PRPS1L1: variants seen among roughly 807,000 people sequenced by gnomAD.
PRPS1L1 encodes ribose-phosphate pyrophosphokinase 3.
A neutral mutation model predicts 16.4 loss-of-function variants in PRPS1L1; 12 were observed. That is an observed-to-expected ratio of 0.73 (90% CI 0.47 to 1.19). The LOEUF (loss-of-function observed/expected upper bound fraction) is 1.19, where lower values mean the gene tolerates loss of function less well. PRPS1L1 is among the 50% of genes most tolerant of loss of function. PRPS1L1 has a pLI of 0.00. For synonymous variants in PRPS1L1, 153 were observed against 142.5 expected (o/e 1.07, Z -0.53); for missense variants, 408 against 395.8 (o/e 1.03, Z -0.26).
rs114702691 is a variant in PRPS1L1, at chr7:18,027,070, G to T, written c.713C>A (p.Ser238Ter). ...AGCATAAACTCTGGTTGCTCCAGCT[G>T]AGAGAAGTTTGTCAGCTGCGAGGCA... Residue 238 changes from serine to a stop codon, truncating the protein, a stop_gained, in exon 1 of 1, where the codon TCA becomes TAA. Transcript: ENST00000506618. LOFTEE classifies it high-confidence loss of function. 4.3e-6 allele frequency: 7 copies of T among 1,614,246 alleles called. No homozygotes were observed. Among genetic ancestry groups the T allele is most frequent in the Non-Finnish European group, 5.9e-6 (7 of 1,180,048 alleles).
chr7:18,026,898 G>A lies in PRPS1L1; in HGVS notation c.885C>T (p.Ile295=), dbSNP rs867343944. The A allele has an allele frequency of 4.3e-6, 7 of 1,613,900 alleles. No individual in the cohort carries two copies. The South Asian group carries it at 7.7e-5, about 18-fold the overall frequency. Residue 295 remains isoleucine, a synonymous_variant, in exon 1 of 1, where the codon ATC becomes ATT. Coordinates refer to ENST00000506618, the MANE Select transcript of PRPS1L1 (RefSeq NM_175886.3). ...GAGTTCTCCTTATGGCTTCTGCAAGGATCATGGAGATGTCAATTACTCGTA... is the reference window on the plus strand; with the variant it reads ...GAGTTCTCCTTATGGCTTCTGCAAGAATCATGGAGATGTCAATTACTCGTA...
rs181213151 is a variant in PRPS1L1, at chr7:18,026,869, T to C, written c.914A>G (p.Asn305Ser). 1 of 1,612,536 alleles carries C rather than the reference T, an allele frequency of 6.2e-7. No homozygotes were observed. ...GAACAGGTAGGAAACAGATTCCCCA[T>C]TATGAGTTCTCCTTATGGCTTCTGC... The change falls in exon 1 of 1, where the codon AAT (asparagine) becomes AGT (serine). Residue 305 changes from asparagine to serine, a missense_variant. Transcript: ENST00000506618.
At position 18,027,553 on chromosome 7, in the gene PRPS1L1, C is replaced by G. The variant is rs760719249; in HGVS notation, c.230G>C (p.Cys77Ser). Residue 77 changes from cysteine to serine, a missense_variant, in exon 1 of 1, where the codon TGC becomes TCC. Physicochemically the swap from Cys to Ser is moderately radical, Grantham distance 112. Transcript: ENST00000506618. ...AACTCGGCTAGCTGAAGCAATCTTG[C>G]AGGCATTAATCATGATCAAAAGCTC... 3 of 1,614,128 alleles carry G rather than the reference C, an allele frequency of 1.9e-6. No homozygotes were observed. In the South Asian group the frequency reaches 3.3e-5, roughly 18 times the overall value.
Position 18,027,096 on chromosome 7 carries a change from G to C in PRPS1L1, c.687C>G (p.Ile229Met). The change falls in exon 1 of 1, where the codon ATC becomes ATG. Residue 229 changes from isoleucine (I) to methionine (M), a missense_variant. By Grantham distance (10) the Ile-to-Met change is conservative. Transcript: ENST00000506618. ...AGAGAAGTTTGTCAGCTGCGAGGCAGATTGTAACACAAGTGTCTGCCATGT... is the reference window on the plus strand; with the variant it reads ...AGAGAAGTTTGTCAGCTGCGAGGCACATTGTAACACAAGTGTCTGCCATGT... 1 of 1,614,244 alleles carries C rather than the reference G, an allele frequency of 6.2e-7. No individual in the cohort carries two copies. The highest frequency in any genetic ancestry group is 8.5e-7 in the Non-Finnish European group (1 of 1,180,052).
rs1293153845 is a variant in PRPS1L1 at position 18,027,336 on chromosome 7, T to G, written c.447A>C (p.Pro149=). The change falls in exon 1 of 1, where the codon CCA becomes CCC. Residue 149 remains proline (P), a synonymous_variant. Coordinates refer to ENST00000506618, the MANE Select transcript of PRPS1L1 (RefSeq NM_175886.3). ...TCTCCCTTATCCACTTCAGGACAGT[T>G]GGCTCTGCATACAAGTTGTCTACTG... 1 of 1,613,960 alleles carries G rather than the reference T, an allele frequency of 6.2e-7. No homozygotes were observed. The highest frequency in any genetic ancestry group is 8.5e-7 in the Non-Finnish European group (1 of 1,179,912).
chr7:18,027,653 T>C lies in PRPS1L1; in HGVS notation c.130A>G (p.Ile44Val), dbSNP rs1221921795. 1.2e-6 allele frequency: 2 copies of C among 1,614,068 alleles called. No homozygotes were observed. The highest frequency in any genetic ancestry group is 1.7e-5 in the Admixed American group (1 of 60,010). ...TCCTCTCCACGCACACTCTCATCAATTTCCACGCAGGTCTCCTGGTTGCTG... is the reference window on the plus strand; with the variant it reads ...TCCTCTCCACGCACACTCTCATCAACTTCCACGCAGGTCTCCTGGTTGCTG... Residue 44 changes from isoleucine to valine, a missense_variant, in exon 1 of 1, where the codon ATT becomes GTT. Coordinates refer to ENST00000506618, the MANE Select transcript of PRPS1L1 (RefSeq NM_175886.3).
At position 18,027,684 on chromosome 7, in the gene PRPS1L1, C is replaced by T; in HGVS notation, c.99G>A (p.Lys33=). Residue 33 remains lysine (K), a synonymous_variant, in exon 1 of 1, where the codon AAG becomes AAA. Transcript: ENST00000506618. ...CGCAGGTCTCCTGGTTGCTGAATTT[C>T]TTAGTCACCACCTTGCCTAGCTCCA... The T allele has an allele frequency of 6.2e-7, 1 of 1,614,122 alleles. No homozygotes were observed. Among genetic ancestry groups the T allele is most frequent in the South Asian group, 1.1e-5 (1 of 91,076 alleles).
chr7:18,026,782 A>T lies in PRPS1L1; in HGVS notation c.*44T>A. ...AATAAAGGCAAGGTTTGTTTTTATT[A>T]ATCTTATTTTATTTTAAAATAGCAT... On this transcript the variant is annotated 3_prime_UTR_variant, in exon 1 of 1. Coordinates refer to ENST00000506618, the MANE Select transcript of PRPS1L1 (RefSeq NM_175886.3). 1 of 1,372,046 alleles carries T rather than the reference A, an allele frequency of 7.3e-7. No individual in the cohort carries two copies. The highest frequency in any genetic ancestry group is 9.9e-7 in the Non-Finnish European group (1 of 1,007,830). The allele number at this position is 1,372,046 out of a possible 1,614,324, so 85.0% of individuals were successfully genotyped here.
rs1029047652 is a variant in PRPS1L1 at position 18,027,123 on chromosome 7, A to G, written c.660T>C (p.Asp220=). 1.9e-6 allele frequency: 3 copies of G among 1,614,130 alleles called. No homozygotes were observed. Among genetic ancestry groups the G allele is most frequent in the African/African-American group, 1.3e-5 (1 of 74,942 alleles). Residue 220 remains aspartate (D), a synonymous_variant, in exon 1 of 1, where the codon GAT becomes GAC. Transcript: ENST00000506618. Reference sequence around the variant, plus strand: ...TTGTAACACAAGTGTCTGCCATGTCATCTACAAGGATAGCCACACGATCAT... The same window carrying G: ...TTGTAACACAAGTGTCTGCCATGTCGTCTACAAGGATAGCCACACGATCAT...
chr7:18,026,847 C>G lies in PRPS1L1; in HGVS notation c.936G>C (p.Leu312=). 6.2e-7 allele frequency: 1 copy of G among 1,604,482 alleles called. No individual in the cohort carries two copies. The highest frequency in any genetic ancestry group is 8.5e-7 in the Non-Finnish European group (1 of 1,174,326). Residue 312 remains leucine, a synonymous_variant, in exon 1 of 1, where the codon CTG becomes CTC. Coordinates refer to ENST00000506618, the MANE Select transcript of PRPS1L1 (RefSeq NM_175886.3). ...TCTGTTATAAAGGAACATGGCTGAA[C>G]AGGTAGGAAACAGATTCCCCATTAT...
rs756247586 is a variant in PRPS1L1, at chr7:18,026,970, G to A, written c.813C>T (p.Val271=). The A allele has an allele frequency of 7.4e-6, 12 of 1,614,048 alleles. No homozygotes were observed. The highest frequency in any genetic ancestry group is 2.7e-5 in the African/African-American group (2 of 74,924). ...TCTCATCTTGAGGTATGGTATTGGT[G>A]ACTACCACTGCTTCAAAGCATGCAG... is the stretch of plus-strand genomic sequence containing the variant. The change falls in exon 1 of 1, where the codon GTC becomes GTT. Residue 271 remains valine (V), a synonymous_variant. Transcript: ENST00000506618.
In PRPS1L1 at chr7:18,026,842, C is replaced by A; in HGVS notation, c.941G>T (p.Ser314Ile). Reference sequence around the variant, plus strand: ...GTTATTCTGTTATAAAGGAACATGGCTGAACAGGTAGGAAACAGATTCCCC... The same window carrying A: ...GTTATTCTGTTATAAAGGAACATGGATGAACAGGTAGGAAACAGATTCCCC... Residue 314 changes from serine to isoleucine, a missense_variant, in exon 1 of 1, where the codon AGC (serine) becomes ATC (isoleucine). By Grantham distance (142) the Ser-to-Ile change is moderately radical. Transcript: ENST00000506618. 1 of 1,602,004 alleles carries A rather than the reference C, an allele frequency of 6.2e-7. No individual in the cohort carries two copies. The highest frequency in any genetic ancestry group is 8.5e-7 in the Non-Finnish European group (1 of 1,172,744).
chr7:18,027,266 C>G lies in PRPS1L1; in HGVS notation c.517G>C (p.Gly173Arg). Reference sequence around the variant, plus strand: ...ATGGAGGTCACTCTTTTAGCTCCACCAGCATCTGGCGAGACAATAATGCAG... The same window carrying G: ...ATGGAGGTCACTCTTTTAGCTCCACGAGCATCTGGCGAGACAATAATGCAG... Residue 173 changes from glycine (G) to arginine (R), a missense_variant, in exon 1 of 1, where the codon GGT becomes CGT. By Grantham distance (125) the Gly-to-Arg change is moderately radical (BLOSUM62 -2). Coordinates refer to ENST00000506618, the MANE Select transcript of PRPS1L1 (RefSeq NM_175886.3). The G allele has an allele frequency of 6.2e-7, 1 of 1,614,202 alleles. No individual in the cohort carries two copies. Among genetic ancestry groups the G allele is most frequent in the Non-Finnish European group, 8.5e-7 (1 of 1,180,054 alleles).
rs760864526 is a variant in PRPS1L1 at position 18,027,803 on chromosome 7, A to G, written c.-21T>C. 1.2e-6 allele frequency: 2 copies of G among 1,610,950 alleles called. No homozygotes were observed. The highest frequency in any genetic ancestry group is 1.3e-5 in the African/African-American group (1 of 74,768). On this transcript the variant is annotated 5_prime_UTR_variant, in exon 1 of 1. Transcript: ENST00000506618. ...GGCGTCTTGGCCAACTACCAGAGGC[A>G]CTCCGTCGAGCGATCCAGCTGCCGC...
Position 18,027,636 on chromosome 7 carries a change from A to G in PRPS1L1, c.147T>C (p.Arg49=). Reference sequence around the variant, plus strand: ...TCTGAACGATGTAGACATCCTCTCCACGCACACTCTCATCAATTTCCACGC... The same window carrying G: ...TCTGAACGATGTAGACATCCTCTCCGCGCACACTCTCATCAATTTCCACGC... The change falls in exon 1 of 1, where the codon CGT becomes CGC. Residue 49 remains arginine, a synonymous_variant. Coordinates refer to ENST00000506618, the MANE Select transcript of PRPS1L1 (RefSeq NM_175886.3). The G allele has an allele frequency of 5.0e-6, 8 of 1,613,996 alleles. No homozygotes were observed. Among genetic ancestry groups the G allele is most frequent in the South Asian group, 1.1e-5 (1 of 91,058 alleles).
chr7:18,027,447 A>C lies in PRPS1L1; in HGVS notation c.336T>G (p.Val112=), dbSNP rs1249488137. ...CACCTGCTATAGAGAGCATATTTGC[A>C]ACAAGCTTGGCAGAGATTGGGGACC... is the stretch of plus-strand genomic sequence containing the variant. The change falls in exon 1 of 1, where the codon GTT becomes GTG. Residue 112 remains valine, a synonymous_variant. Transcript: ENST00000506618. The C allele has an allele frequency of 1.9e-6, 3 of 1,614,074 alleles. No individual in the cohort carries two copies. Among genetic ancestry groups the C allele is most frequent in the Non-Finnish European group, 2.5e-6 (3 of 1,179,934 alleles).
rs367604906 is a variant in PRPS1L1 at position 18,026,826 on chromosome 7, T to C, written c.957A>G (p.Ter319=). 61 of 1,571,744 alleles carry C rather than the reference T, an allele frequency of 3.9e-5. No homozygotes were observed. In the African/African-American group the frequency reaches 5.3e-4, roughly 14 times the overall value. Reference sequence around the variant, plus strand: ...ATAGCATAACCTAGAAGTTATTCTGTTATAAAGGAACATGGCTGAACAGGT... The same window carrying C: ...ATAGCATAACCTAGAAGTTATTCTGCTATAAAGGAACATGGCTGAACAGGT... The change falls in exon 1 of 1, where the codon TAA becomes TAG. Residue 319 remains the stop codon, a stop_retained_variant. Coordinates refer to ENST00000506618, the MANE Select transcript of PRPS1L1 (RefSeq NM_175886.3).
chr7:18,026,946 C>T lies in PRPS1L1; in HGVS notation c.837G>A (p.Glu279=), dbSNP rs3800962. ...GTATTTTGGAGCAATGCTTCATCTT[C>T]TCATCTTGAGGTATGGTATTGGTGA... Residue 279 remains glutamate (E), a synonymous_variant, in exon 1 of 1, where the codon GAG becomes GAA. Transcript: ENST00000506618. The T allele has an allele frequency of 5.6e-6, 9 of 1,613,910 alleles. No individual in the cohort carries two copies. Among genetic ancestry groups the T allele is most frequent in the Non-Finnish European group, 7.6e-6 (9 of 1,179,982 alleles).
chr7:18,027,363 G>A lies in PRPS1L1; in HGVS notation c.420C>T (p.Ile140=), dbSNP rs751477853. ...GCTCTGCATACAAGTTGTCTACTGG[G>A]ATATCAAAAAAGCCCTGAATTTGAG... Residue 140 remains isoleucine (I), a synonymous_variant, in exon 1 of 1, where the codon ATC becomes ATT. Transcript: ENST00000506618. 6 of 1,614,120 alleles carry A rather than the reference G, an allele frequency of 3.7e-6. No individual in the cohort carries two copies. The South Asian group carries it at 5.5e-5, about 15-fold the overall frequency.
Sources: gnomAD v4.1 joint callset for allele counts on GRCh38, gnomAD v4.1.1 for gene constraint, MANE v1.5 for transcripts, NCBI Gene and HGNC (gene_info 2026-07-23, HGNC 2026-07-21) for gene names.